Variants in FRMD3 observed in about 807,000 individuals in gnomAD.
FRMD3 encodes the protein FERM domain-containing protein 3.
Under a neutral mutation model 70.2 loss-of-function variants are expected in FRMD3, and 33 were observed. The observed-to-expected ratio is 0.47, with a 90% CI of 0.36 to 0.63. The LOEUF (loss-of-function observed/expected upper bound fraction) is 0.63, where lower values mean the gene tolerates loss of function less well. Ranked by LOEUF, FRMD3 falls within the 20% of genes least tolerant of loss-of-function variation. The pLI is 0.00. For synonymous variants in FRMD3, 279 were observed against 255.9 expected, an observed-to-expected ratio of 1.09 and a Z score of -0.86; for missense variants, 632 against 711.4, an observed-to-expected ratio of 0.89 and a Z score of 1.27.
the FRMD3 span, among the ~76,000 whole-genome samples, chr9:83,577,432 A>G: frequency 6.6e-6 from 1 of 152,058 alleles, no homozygotes; most frequent in Non-Finnish European, 1.5e-5. Context: ...ATTTCAACAG[A>G]ACGTCAAGAC....
chr9:83,540,880 G>A (rs899409455), upstream of FRMD3, among the ~76,000 whole-genome samples: 2 of 152,074 alleles, frequency 1.3e-5, no homozygotes, highest in South Asian at 2.1e-4. Context: ...TCTACAAATC[G>A]CCAAATTACA....
chr9:83,559,853 A>G, the FRMD3 span, among the ~76,000 whole-genome samples: 1 of 151,900 alleles, frequency 6.6e-6, no homozygotes, highest in African/African-American at 2.4e-5. Flanking sequence ...AAAATTAAAA[A>G]TATTTTATTT....
intron 1 of FRMD3, among the ~76,000 whole-genome samples, chr9:83,515,217 C>T (rs896569825): frequency 3.3e-5 from 5 of 152,082 alleles, no homozygotes; most frequent in East Asian, 1.9e-4. Context: ...AAGCTAAGAA[C>T]GTTGATAAAA....
chr9:83,397,499 C>T (rs1361836106), intron 1 of FRMD3, among the ~76,000 whole-genome samples: 5 of 152,066 alleles, frequency 3.3e-5, no homozygotes, highest in Non-Finnish European at 7.4e-5. Context: ...TAATACAGAA[C>T]AGAGACATGG....
chr9:83,284,613 A>C (rs1834114607), intron 13 of FRMD3, among the ~76,000 whole-genome samples: 1 of 152,206 alleles, frequency 6.6e-6, no homozygotes, highest in African/African-American at 2.4e-5. Context: ...TCTCAAAACA[A>C]ACAAACAAAC....
At chr9:83,321,782 T>G (rs1265949822) in intron 6 of FRMD3, among the ~76,000 whole-genome samples, 2 of 152,206 alleles carry the variant, frequency 1.3e-5, no homozygotes, top group South Asian at 2.1e-4. Flanking sequence ...GGTGTTGAAC[T>G]TCCCACTATT....
chr9:83,272,447 C>A (rs7026328), intron 13 of FRMD3, among the ~76,000 whole-genome samples: 1 of 151,742 alleles, frequency 6.6e-6, no homozygotes, highest in African/African-American at 2.4e-5. Context: ...GCGTGATCCC[C>A]GCTCGCTACA....
At chr9:83,350,534 A>C (rs1824113112) in intron 3 of FRMD3, among the ~76,000 whole-genome samples, 1 of 149,330 alleles carries the variant, frequency 6.7e-6, no homozygotes, top group African/African-American at 2.5e-5. Context: ...GAGGCAGGAG[A>C]ATTGCTTGAA....
At chr9:83,279,411 T>C (rs1251403858) in intron 13 of FRMD3, 1 of 152,180 alleles carries the variant, frequency 6.6e-6, no homozygotes, top group Non-Finnish European at 1.5e-5. Flanking sequence ...TTACCACATT[T>C]AAAAAGAAGA....
At chr9:83,556,604 T>A in the FRMD3 span, among the ~76,000 whole-genome samples, 1 of 152,242 alleles carries the variant, frequency 6.6e-6, no homozygotes, top group East Asian at 1.9e-4. Context: ...TGATTTTTTA[T>A]GAATTCTCTC....
chr9:83,333,982 T>C (rs1313421610), intron 6 of FRMD3, among the ~76,000 whole-genome samples: 1 of 152,140 alleles, frequency 6.6e-6, no homozygotes, highest in Non-Finnish European at 1.5e-5. Flanking sequence ...AAGTAAATGC[T>C]CAATAAGTGT....
intron 1 of FRMD3, among the ~76,000 whole-genome samples, chr9:83,400,169 C>T (rs1213136982): frequency 6.6e-6 from 1 of 152,024 alleles, no homozygotes; most frequent in Non-Finnish European, 1.5e-5. Context: ...AAAACCCACT[C>T]CTAGAATTAA....
intron 1 of FRMD3, among the ~76,000 whole-genome samples, chr9:83,398,331 T>C (rs1825861462): frequency 6.6e-6 from 1 of 152,200 alleles, no homozygotes; most frequent in African/African-American, 2.4e-5. Context: ...TACGCTGTGA[T>C]ATATATTCAG....
At chr9:83,513,687 G>A (rs1352674092) in intron 1 of FRMD3, among the ~76,000 whole-genome samples, 1 of 152,152 alleles carries the variant, frequency 6.6e-6, no homozygotes, top group East Asian at 1.9e-4. Context: ...GGCCAAATAG[G>A]AACAGCTCCG....
chr9:83,299,349 A>G (rs1455189856), intron 10 of FRMD3, among the ~76,000 whole-genome samples, 163 bp from the exon 11 acceptor site: 1 of 152,234 alleles, frequency 6.6e-6, no homozygotes, highest in Non-Finnish European at 1.5e-5. Flanking sequence ...AAGCTTCACA[A>G]AAGAATAGTT....
chr9:83,270,856 T>TTC (rs1250922439), intron 13 of FRMD3, among the ~76,000 whole-genome samples: 1 of 152,086 alleles, frequency 6.6e-6, no homozygotes, highest in Admixed American at 6.5e-5. Flanking sequence ...TTTTTTTTTT[T>TTC]TGGTCTCTTT....
At chr9:83,275,305 T>A (rs972370676) in intron 13 of FRMD3, among the ~76,000 whole-genome samples, 6 of 152,190 alleles carry the variant, frequency 3.9e-5, no homozygotes, top group Non-Finnish European at 7.3e-5. Flanking sequence ...CAAATACCAA[T>A]GAAGAACAAA....
At chr9:83,463,648 C>T (rs1316184796) in intron 1 of FRMD3, among the ~76,000 whole-genome samples, 1 of 152,144 alleles carries the variant, frequency 6.6e-6, no homozygotes, top group Admixed American at 6.5e-5. Context: ...ACAGCCAAAC[C>T]ATATCAGTAA....
intron 13 of FRMD3, among the ~76,000 whole-genome samples, chr9:83,288,017 C>A (rs1311832060): frequency 6.6e-6 from 1 of 152,128 alleles, no homozygotes; most frequent in Non-Finnish European, 1.5e-5. Flanking sequence ...AATGAATTCC[C>A]AGCCTCTTTA....
Sources: gnomAD v4.1 joint callset for allele counts (sites outside exome capture counted in the v4.1 genomes callset) on GRCh38, gnomAD v4.1.1 for gene constraint, MANE v1.5 for transcripts, NCBI Gene and HGNC (gene_info 2026-07-23, HGNC 2026-07-21) for gene names.